The following CAMTA1 variants were observed in gnomAD, a reference collection of about 807,000 sequenced individuals.
The protein encoded by CAMTA1 is calmodulin-binding transcription activator 1.
Under a neutral mutation model 170.9 loss-of-function variants are expected in CAMTA1, and 27 were observed. The observed-to-expected ratio is 0.16, with a 90% CI of 0.12 to 0.22. The LOEUF is 0.22. CAMTA1 is among the 10% of genes least tolerant of loss of function. The pLI is 1.00. For missense variants in CAMTA1, 1,619 were observed against 2,217.2 expected (o/e 0.73, Z 5.42); for synonymous variants, 833 against 891.5 (o/e 0.93, Z 1.17).
At position 7,748,266 on chromosome 1, in the gene CAMTA1, CAAACAAAAACAG is replaced by C. The variant is rs1431533906; in HGVS notation, c.4689+486_4689+497del. On this transcript the variant is annotated intron_variant, in intron 19 of 22. Coordinates refer to ENST00000303635, the MANE Select transcript of CAMTA1 (RefSeq NM_015215.4). The surrounding 1 kb of genome is among the most constrained non-coding windows in gnomAD (Gnocchi z 4.7). ...ACAAACAAACAAACAAACAAACAAA[CAAACAAAAACAG>C]GGGAAGCCACACATGATGGCGTGTG... Among the ~76,000 whole-genome samples the C allele has an allele frequency of 9.4e-5, 10 of 106,812 alleles. No homozygotes were observed. The highest frequency in any genetic ancestry group is 5.9e-4 in the South Asian group (2 of 3,372). The allele number at this position is 106,812 out of a possible 152,430, so 70.1% of individuals were successfully genotyped here.
In CAMTA1 at chr1:7,382,070, G is replaced by A. The variant is rs562744662; in HGVS notation, c.439-85760G>A. 3.3e-5 allele frequency among the ~76,000 whole-genome samples: 5 copies of A among 152,304 alleles called. No homozygotes were observed. In the East Asian group the frequency reaches 9.6e-4, roughly 29 times the overall value. ...AATAGCTGCTTGAGTTCAAGCCATA[G>A]TGCCTGCATTCCAGCCAGCAGGAAA... On this transcript the variant is annotated intron_variant, in intron 5 of 22. Transcript: ENST00000303635.
At position 7,046,604 on chromosome 1, in the gene CAMTA1, C is replaced by T. The variant is rs1324343548; in HGVS notation, c.235-44700C>T. ...AACTCTGCTGGCCAGGTGAACAAGG[C>T]CCTGTTTTTCCCTTGAAGATCTCAT... On this transcript the variant is annotated intron_variant, in intron 3 of 22. Coordinates refer to ENST00000303635, the MANE Select transcript of CAMTA1 (RefSeq NM_015215.4). 2.6e-5 allele frequency among the ~76,000 whole-genome samples: 4 copies of T among 152,164 alleles called. 1 individual carries two copies. The South Asian group carries it at 6.2e-4, about 24-fold the overall frequency.
chr1:7,483,105 C>T (rs979018680), intron 6 of CAMTA1, among the ~76,000 whole-genome samples: 1 of 152,140 alleles, frequency 6.6e-6, no homozygotes, highest in African/African-American at 2.4e-5. Context: ...CCCCAGCAGC[C>T]CGAGGTCAAG....
chr1:7,527,530 G>T (rs898915817), intron 6 of CAMTA1, among the ~76,000 whole-genome samples: 1 of 152,244 alleles, frequency 6.6e-6, no homozygotes, highest in Non-Finnish European at 1.5e-5. Flanking sequence ...AGAGGCAAGA[G>T]TATAGCACAG....
intron 8 of CAMTA1, among the ~76,000 whole-genome samples, chr1:7,662,949 C>T (rs890946984): frequency 6.6e-6 from 1 of 152,180 alleles, no homozygotes; most frequent in Non-Finnish European, 1.5e-5. Context: ...AACGTAGCCA[C>T]TCTCACCAGG....
At chr1:7,192,381 C>T (rs975001141) in intron 4 of CAMTA1, among the ~76,000 whole-genome samples, 14 of 152,194 alleles carry the variant, frequency 9.2e-5, no homozygotes, top group Admixed American at 2.6e-4. Context: ...CTGGCAGCTG[C>T]GGAGGGGCAG....
intron 3 of CAMTA1, among the ~76,000 whole-genome samples, chr1:6,879,890 G>A (rs555156984): frequency 7.9e-5 from 12 of 151,186 alleles, no homozygotes; most frequent in Admixed American, 6.6e-4. Context: ...GCCTCCCAAA[G>A]TGATGGGATT....
chr1:7,030,840 T>C (rs1702681267), intron 3 of CAMTA1, among the ~76,000 whole-genome samples: 1 of 74,892 alleles, frequency 1.3e-5, no homozygotes, highest in East Asian at 4.1e-4. Flanking sequence ...ATCCTTAATG[T>C]TTTTTTTTTT....
chr1:6,823,932 A>G (rs2148492055), intron 2 of CAMTA1, among the ~76,000 whole-genome samples: 1 of 152,300 alleles, frequency 6.6e-6, no homozygotes. Context: ...CTGGAGAAGA[A>G]TTAGAGATAA....
At chr1:7,484,318 G>A (rs1336903426) in intron 6 of CAMTA1, among the ~76,000 whole-genome samples, 3 of 152,204 alleles carry the variant, frequency 2.0e-5, no homozygotes, top group South Asian at 2.1e-4. Flanking sequence ...GGGTTGTCCT[G>A]ATGCAGCCGC....
intron 5 of CAMTA1, among the ~76,000 whole-genome samples, chr1:7,309,456 C>T (rs997006879): frequency 7.9e-5 from 12 of 151,552 alleles, no homozygotes; most frequent in South Asian, 2.1e-4. Flanking sequence ...CCCGCCACTA[C>T]GCCCGGCTAA....
chr1:6,872,708 G>T (rs900627219), intron 3 of CAMTA1, among the ~76,000 whole-genome samples: 1 of 151,890 alleles, frequency 6.6e-6, no homozygotes. Flanking sequence ...AACCAAAACC[G>T]AAAGACAGAA....
At chr1:7,712,902 C>T (rs1302320439) in intron 11 of CAMTA1, among the ~76,000 whole-genome samples, 1 of 152,098 alleles carries the variant, frequency 6.6e-6, no homozygotes, top group Non-Finnish European at 1.5e-5. Flanking sequence ...TTTATAAAAC[C>T]ATCAGATCTC....
At chr1:7,110,279 C>T (rs6682031) in intron 4 of CAMTA1, among the ~76,000 whole-genome samples, 15,014 of 151,758 alleles carry the variant, frequency 0.099, 788 homozygotes, top group South Asian at 0.14. Flanking sequence ...CCCCCCTTCC[C>T]CCCTTTTTTT....
At chr1:7,626,763 T>A (rs994604685) in intron 6 of CAMTA1, among the ~76,000 whole-genome samples, 1 of 152,060 alleles carries the variant, frequency 6.6e-6, no homozygotes, top group Admixed American at 6.6e-5. Flanking sequence ...TTTTCCCAAT[T>A]GGAGATGGAA....
intron 3 of CAMTA1, among the ~76,000 whole-genome samples, chr1:6,839,468 G>T (rs963443987): frequency 3.3e-5 from 5 of 152,102 alleles, no homozygotes; most frequent in Non-Finnish European, 7.4e-5. Context: ...TATTTTTGAG[G>T]GCCTACTATG....
At chr1:7,027,150 TGAA>T (rs1330388819) in intron 3 of CAMTA1, among the ~76,000 whole-genome samples, 2 of 151,946 alleles carry the variant, frequency 1.3e-5, no homozygotes, top group Non-Finnish European at 2.9e-5. Context: ...GGAAAACAGT[TGAA>T]GAAGGGTCAG....
intron 3 of CAMTA1, among the ~76,000 whole-genome samples, chr1:6,865,012 C>T (rs1307282474): frequency 2.6e-5 from 4 of 152,020 alleles, no homozygotes; most frequent in Admixed American, 6.5e-5. Context: ...ACTATGTGGC[C>T]CAGGCTGGTC....
chr1:7,666,266 A>G (rs2096001173), intron 9 of CAMTA1, among the ~76,000 whole-genome samples: 1 of 152,056 alleles, frequency 6.6e-6, no homozygotes, highest in East Asian at 1.9e-4. Flanking sequence ...AAAACCAAAA[A>G]TCTCTCTCAA....
Sources: allele counts gnomAD v4.1 joint callset (sites outside exome capture counted in the v4.1 genomes callset), GRCh38; gene constraint gnomAD v4.1.1; non-coding constraint Gnocchi (gnomAD v3.1); transcripts MANE v1.5; gene names NCBI Gene and HGNC (gene_info 2026-07-23, HGNC 2026-07-21).